Variants in CPNE4 observed in about 807,000 individuals in gnomAD.
CPNE4 encodes copine 4, also known as copine-4.
CPNE4 carries 25 observed loss-of-function variants against 67.9 expected under a neutral mutation model. That is an observed-to-expected ratio of 0.37 (90% CI 0.27 to 0.51). The LOEUF is 0.51. Ranked by LOEUF, CPNE4 falls within the 20% of genes least tolerant of loss-of-function variation. The pLI, the probability that CPNE4 is intolerant of heterozygous loss-of-function variation, is 0.93. For synonymous variants in CPNE4, 242 were observed against 244.9 expected (o/e 0.99, Z 0.11); for missense variants, 464 against 690.8 (o/e 0.67, Z 3.68).
chr3:131,928,861 G>A (rs1350517683), intron 1 of CPNE4, among the ~76,000 whole-genome samples: 5 of 152,216 alleles, frequency 3.3e-5, no homozygotes, highest in Non-Finnish European at 7.3e-5. Flanking sequence ...GGAAGGGAAT[G>A]AGCAGCAGCT....
At chr3:131,951,878 A>C (rs2071737793) in intron 1 of CPNE4, among the ~76,000 whole-genome samples, 1 of 152,112 alleles carries the variant, frequency 6.6e-6, no homozygotes, top group African/African-American at 2.4e-5. Flanking sequence ...AATGGTGCCC[A>C]GGCTGGAGTG....
rs73220461 is a variant in CPNE4, at chr3:131,751,775, G to T, written c.181-28150C>A. Among the ~76,000 whole-genome samples the T allele has an allele frequency of 3.3e-3, 364 of 109,832 alleles. 2 individuals carry two copies. The highest frequency in any genetic ancestry group is 0.028 in the East Asian group (97 of 3,432). 72.1% of individuals were successfully genotyped at this position (109,832 alleles called of 152,430 possible). ...TCTTCTGTTTAGCTGTTTTTTTTTT[G>T]TTTTTTTGTTTGTTTGTTTGTTTTT... On this transcript the variant is annotated intron_variant, in intron 2 of 15. Coordinates refer to ENST00000429747, the MANE Select transcript of CPNE4 (RefSeq NM_130808.3).
At chr3:131,546,735 C>G (rs1935860745) in intron 14 of CPNE4, among the ~76,000 whole-genome samples, 1 of 152,106 alleles carries the variant, frequency 6.6e-6, no homozygotes, top group Non-Finnish European at 1.5e-5. Flanking sequence ...TTTGTTAGTT[C>G]TGTTCTCTTT....
At chr3:131,628,134 T>C (rs898359488) in intron 7 of CPNE4, among the ~76,000 whole-genome samples, 1 of 152,130 alleles carries the variant, frequency 6.6e-6, no homozygotes, top group African/African-American at 2.4e-5. Context: ...TTTTAAGAAA[T>C]TGCCACAGCC....
In CPNE4 at chr3:131,550,011, A is replaced by G; in HGVS notation, c.1238T>C (p.Ile413Thr). The G allele has an allele frequency of 5.6e-6, 9 of 1,613,278 alleles. No individual in the cohort carries two copies. The highest frequency in any genetic ancestry group is 7.6e-6 in the Non-Finnish European group (9 of 1,179,492). The stretch of plus-strand genomic sequence containing the variant: ...GGCAACCTTCTGGATGATGGGGGCA[A>G]TGTTGGTGGGACCGTAGAGTTGGAG... Reference protein sequence around the residue: ...PKLQLYGPTNIAPIIQKVAKS... With the variant: ...PKLQLYGPTNTAPIIQKVAKS... The change falls in exon 14 of 16, where the codon ATT becomes ACT. Residue 413 changes from isoleucine (I) to threonine (T), a missense_variant. Physicochemically the swap from Ile to Thr is moderately conservative, Grantham distance 89. Around this residue, in one of 6 missense-constraint regions of CPNE4, gnomAD observed 201 missense variants for 357.7 expected, o/e 0.56. Transcript: ENST00000429747.
chr3:131,824,108 CA>C (rs1358825763), intron 2 of CPNE4, among the ~76,000 whole-genome samples: 1 of 151,420 alleles, frequency 6.6e-6, no homozygotes, highest in Admixed American at 6.6e-5. Flanking sequence ...ATGAGTTGAA[CA>C]AGTCTTTTAA....
intron 2 of CPNE4, among the ~76,000 whole-genome samples, chr3:131,857,611 A>G (rs1361880387): frequency 6.6e-6 from 1 of 152,066 alleles, no homozygotes; most frequent in Non-Finnish European, 1.5e-5. Flanking sequence ...CTCAGATATG[A>G]CATTCTACAG....
chr3:131,822,894 G>A (rs1006977499), intron 2 of CPNE4, among the ~76,000 whole-genome samples: 3 of 152,150 alleles, frequency 2.0e-5, no homozygotes, highest in Non-Finnish European at 4.4e-5. Flanking sequence ...CTGGAGTGCA[G>A]TGGTGCGATC....
chr3:131,978,113 T>A (rs1189186604), intron 1 of CPNE4, among the ~76,000 whole-genome samples: 1 of 61,006 alleles, frequency 1.6e-5, no homozygotes, highest in African/African-American at 1.0e-4. Flanking sequence ...ATATATAAAA[T>A]ATATATAAAT....
At chr3:131,822,675 C>T (rs1267842579) in intron 2 of CPNE4, among the ~76,000 whole-genome samples, 1 of 152,164 alleles carries the variant, frequency 6.6e-6, no homozygotes, top group Non-Finnish European at 1.5e-5. Context: ...ATCCAGTTCA[C>T]TGTCTCACTC....
chr3:131,836,143 T>A (rs1157687490), intron 2 of CPNE4, among the ~76,000 whole-genome samples: 1 of 152,172 alleles, frequency 6.6e-6, no homozygotes, highest in Non-Finnish European at 1.5e-5. Context: ...CAGATCAGAA[T>A]AGCATTTTTA....
intron 1 of CPNE4, among the ~76,000 whole-genome samples, chr3:131,995,322 G>T (rs1472499793): frequency 6.6e-6 from 1 of 152,090 alleles, no homozygotes; most frequent in Non-Finnish European, 1.5e-5. Flanking sequence ...GTTTGTGTAT[G>T]TTTATTCTTT....
At chr3:131,629,851 AC>A (rs2079173889) in intron 7 of CPNE4, among the ~76,000 whole-genome samples, 1 of 152,126 alleles carries the variant, frequency 6.6e-6, no homozygotes, top group South Asian at 2.1e-4. Flanking sequence ...CAAACCCACA[AC>A]ATCTCTGAAG....
chr3:131,636,945 C>T (rs1038660952), intron 7 of CPNE4, among the ~76,000 whole-genome samples: 4 of 152,264 alleles, frequency 2.6e-5, no homozygotes, highest in Non-Finnish European at 5.9e-5. Flanking sequence ...CATAAACAAT[C>T]ACTACAGTTC....
At position 131,689,211 on chromosome 3, in the gene CPNE4, G is replaced by T. The variant is rs115325360; in HGVS notation, c.508-3253C>A. Among the ~76,000 whole-genome samples the T allele has an allele frequency of 5.1e-3, 784 of 152,242 alleles. 6 individuals carry two copies. The highest frequency in any genetic ancestry group is 0.018 in the African/African-American group (742 of 41,548). On this transcript the variant is annotated intron_variant, in intron 5 of 15. Coordinates refer to ENST00000429747, the MANE Select transcript of CPNE4 (RefSeq NM_130808.3). ...CAAGGCTTAGTTTGCCATTCATAATGGAAGGAGTATCAACCTTTGCCTCAT... is the reference window on the plus strand; with the variant it reads ...CAAGGCTTAGTTTGCCATTCATAATTGAAGGAGTATCAACCTTTGCCTCAT...
chr3:131,537,989 G>A (rs1027366742), intron 15 of CPNE4, among the ~76,000 whole-genome samples: 1 of 152,100 alleles, frequency 6.6e-6, no homozygotes, highest in Non-Finnish European at 1.5e-5. Context: ...AGCATCCTTG[G>A]CCTCTACCCA....
intron 2 of CPNE4, among the ~76,000 whole-genome samples, chr3:131,900,234 T>C (rs1419325308): frequency 1.4e-5 from 2 of 146,578 alleles, no homozygotes; most frequent in Non-Finnish European, 3.0e-5. Flanking sequence ...AACAGGCATA[T>C]GAAAAGGTGC....
chr3:131,716,245 G>GGAGGCAGAGGCA, intron 3 of CPNE4, among the ~76,000 whole-genome samples: 1 of 151,180 alleles, frequency 6.6e-6, no homozygotes, highest in South Asian at 2.1e-4. Flanking sequence ...GCAGCCTTCA[G>GGAGGCAGAGGCA]GAGGCAGACT....
At chr3:131,677,402 GTTTC>G (rs753770353) in intron 6 of CPNE4, among the ~76,000 whole-genome samples, 24 of 152,118 alleles carry the variant, frequency 1.6e-4, no homozygotes, top group Non-Finnish European at 2.8e-4. Context: ...TCTGTTGATA[GTTTC>G]TTTTGCTGCA....
Sources: allele counts gnomAD v4.1 joint callset (sites outside exome capture counted in the v4.1 genomes callset), GRCh38; gene constraint gnomAD v4.1.1; regional missense constraint gnomAD v4.1.1; transcripts MANE v1.5; gene names NCBI Gene and HGNC (gene_info 2026-07-23, HGNC 2026-07-21).